The following FKBP1B variants were observed in gnomAD, a reference collection of about 807,000 sequenced individuals.
The protein encoded by FKBP1B is peptidyl-prolyl cis-trans isomerase FKBP1B.
A neutral mutation model predicts 13.5 loss-of-function variants in FKBP1B; 4 were observed. The observed-to-expected ratio is 0.30, with a 90% CI of 0.15 to 0.68. FKBP1B has a LOEUF of 0.68. FKBP1B is among the 30% of genes least tolerant of loss of function. FKBP1B has a pLI of 0.76. For synonymous variants in FKBP1B, 54 were observed against 53.6 expected (o/e 1.01, Z -0.03); for missense variants, 93 against 136.2 (o/e 0.68, Z 1.58).
intron 2 of FKBP1B, chr2:24,054,179 G>T (rs1558344021): frequency 1.4e-6 from 1 of 700,638 alleles, no homozygotes; most frequent in Non-Finnish European, 2.7e-6. Context: ...GCCATCCATG[G>T]TGCCAGCTTC....
At chr2:24,058,772 A>G (rs914402703) in intron 2 of FKBP1B, among the ~76,000 whole-genome samples, 3 of 152,218 alleles carry the variant, frequency 2.0e-5, no homozygotes, top group Non-Finnish European at 4.4e-5. Context: ...GAGCATGCAC[A>G]AGTATCTTTG....
chr2:24,052,068 C>T (rs918331320), intron 1 of FKBP1B, among the ~76,000 whole-genome samples: 2 of 152,214 alleles, frequency 1.3e-5, no homozygotes, highest in African/African-American at 4.8e-5. Context: ...TTCTTGTTGT[C>T]TCCTTTGTCC....
In FKBP1B at chr2:24,049,810, GC is replaced by G; in HGVS notation, c.-39del. ...GCCGGAGCCGAGCCGGGGTCGGGCA[GC>G]AGCAGGGACCCCCCAGAGGCGGGGC... On this transcript the variant is annotated 5_prime_UTR_variant, in exon 1 of 4. Coordinates refer to ENST00000380986, the MANE Select transcript of FKBP1B (RefSeq NM_004116.5). The G allele has an allele frequency of 7.5e-7, 1 of 1,333,008 alleles. No individual in the cohort carries two copies. The highest frequency in any genetic ancestry group is 1.9e-5 in the South Asian group (1 of 53,380). 82.6% of individuals were successfully genotyped at this position (1,333,008 alleles called of 1,614,324 possible).
chr2:24,060,848 C>G lies in FKBP1B; in HGVS notation c.120C>G (p.Ser40=). 2 of 1,614,162 alleles carry G rather than the reference C, an allele frequency of 1.2e-6. No individual in the cohort carries two copies. Among genetic ancestry groups the G allele is most frequent in the Non-Finnish European group, 1.7e-6 (2 of 1,180,008 alleles). The change falls in exon 3 of 4, where the codon TCC becomes TCG. Residue 40 remains serine (S), a synonymous_variant. Coordinates refer to ENST00000380986, the MANE Select transcript of FKBP1B (RefSeq NM_004116.5). ...AAAATGGGAAGAAGTTTGATTCATC[C>G]AGAGACAGAAACAAACCTTTCAAGT... is the stretch of plus-strand genomic sequence containing the variant. ...MLQNGKKFDS[S]RDRNKPFKFR...
At chr2:24,057,372 G>GT (rs68074289) in intron 2 of FKBP1B, among the ~76,000 whole-genome samples, 49 of 114,446 alleles carry the variant, frequency 4.3e-4, no homozygotes, top group African/African-American at 6.8e-4. Flanking sequence ...ATTTTTTTTT[G>GT]GTTTTTTTTT....
chr2:24,035,004 TA>T, the FKBP1B span, among the ~76,000 whole-genome samples: 1 of 151,526 alleles, frequency 6.6e-6, no homozygotes, highest in Admixed American at 6.6e-5. Flanking sequence ...AAAAATAATA[TA>T]TTTTTATATT....
At chr2:24,058,950 A>T (rs1253770112) in intron 2 of FKBP1B, among the ~76,000 whole-genome samples, 5 of 152,174 alleles carry the variant, frequency 3.3e-5, no homozygotes, top group African/African-American at 1.2e-4. Flanking sequence ...GTTAAATAAG[A>T]CTGTTTCTCT....
chr2:24,061,364 G>T (rs540930423), intron 3 of FKBP1B, among the ~76,000 whole-genome samples: 2 of 152,322 alleles, frequency 1.3e-5, no homozygotes, highest in South Asian at 2.1e-4. Context: ...TGCGACAGGA[G>T]AATTACTTGA....
the FKBP1B span, chr2:24,039,302 A>T: frequency 6.2e-7 from 1 of 1,614,252 alleles, no homozygotes; most frequent in Non-Finnish European, 8.5e-7. Context: ...GGTGGGGCCC[A>T]GGACAACCCA....
upstream of FKBP1B, among the ~76,000 whole-genome samples, chr2:24,046,186 T>C (rs924747144): frequency 1.3e-5 from 2 of 152,118 alleles, no homozygotes; most frequent in African/African-American, 4.8e-5. Context: ...ATGTGCTTCA[T>C]GTAAGATGTC....
the FKBP1B span, chr2:24,038,263 G>C: frequency 1.9e-6 from 3 of 1,614,138 alleles, no homozygotes; most frequent in Non-Finnish European, 2.5e-6. Flanking sequence ...AAGAAATGTT[G>C]TATCAGTGAG....
At chr2:24,061,338 C>T (rs1664385154) in intron 3 of FKBP1B, among the ~76,000 whole-genome samples, 1 of 152,176 alleles carries the variant, frequency 6.6e-6, no homozygotes, top group African/African-American at 2.4e-5. Context: ...CCTGTAATCC[C>T]AGCTACTTGG....
intron 1 of FKBP1B, among the ~76,000 whole-genome samples, chr2:24,052,814 T>TA (rs1558342955): frequency 6.6e-6 from 1 of 151,618 alleles, no homozygotes; most frequent in Non-Finnish European, 1.5e-5. Flanking sequence ...AAATTTTTTT[T>TA]AAAAAAATTA....
intron 2 of FKBP1B, among the ~76,000 whole-genome samples, chr2:24,056,224 A>G (rs530208150): frequency 2.0e-5 from 3 of 151,838 alleles, no homozygotes; most frequent in Non-Finnish European, 4.4e-5. Context: ...TCCTGACCTC[A>G]GGTGATCTGC....
chr2:24,036,684 G>A, the FKBP1B span, among the ~76,000 whole-genome samples: 3 of 152,194 alleles, frequency 2.0e-5, no homozygotes, highest in East Asian at 5.8e-4. Flanking sequence ...CAAAGTGAAT[G>A]TCAATCAACA....
At chr2:24,038,761 T>TAACAC in the FKBP1B span, 1 of 1,614,220 alleles carries the variant, frequency 6.2e-7, no homozygotes, top group South Asian at 1.1e-5. Flanking sequence ...CGGAGTCATG[T>TAACAC]CTTTACTGTT....
chr2:24,039,543 T>C, the FKBP1B span: 1 of 1,578,530 alleles, frequency 6.3e-7, no homozygotes, highest in Non-Finnish European at 8.6e-7. Flanking sequence ...AGTTACACCA[T>C]GAGAAATCTA....
At chr2:24,049,242 TC>T (rs768363300), upstream of FKBP1B, among the ~76,000 whole-genome samples, 1 of 152,132 alleles carries the variant, frequency 6.6e-6, no homozygotes, top group South Asian at 2.1e-4. Flanking sequence ...TGCTCGCGCC[TC>T]TAGTCCCAGC....
At chr2:24,038,008 A>G in the FKBP1B span, 7 of 1,614,184 alleles carry the variant, frequency 4.3e-6, no homozygotes, top group South Asian at 3.3e-5. Context: ...GATTTCTTTA[A>G]TAAGTGTTCT....
Sources: gnomAD v4.1 joint callset for allele counts (sites outside exome capture counted in the v4.1 genomes callset) on GRCh38, gnomAD v4.1.1 for gene constraint, MANE v1.5 for transcripts, NCBI Gene and HGNC (gene_info 2026-07-23, HGNC 2026-07-21) for gene names.